The following MYO5B variants were observed in gnomAD, a reference collection of about 807,000 sequenced individuals.
MYO5B encodes unconventional myosin-Vb.
Under a neutral mutation model 229.3 loss-of-function variants are expected in MYO5B, and 143 were observed. That is an observed-to-expected ratio of 0.62 (90% confidence interval 0.54 to 0.72). MYO5B has a LOEUF of 0.72. MYO5B is among the 30% of genes least tolerant of loss of function. MYO5B has a pLI of 0.00. For synonymous variants in MYO5B, 918 were observed against 885.2 expected (o/e 1.04, Z -0.66); for missense variants, 2,321 against 2,331.0 (o/e 1.00, Z 0.09).
At position 49,980,523 on chromosome 18, in the gene MYO5B, A is replaced by G; in HGVS notation, c.977T>C (p.Phe326Ser). 6.2e-7 allele frequency: 1 copy of G among 1,613,768 alleles called. No individual in the cohort carries two copies. Among genetic ancestry groups the G allele is most frequent in the Non-Finnish European group, 8.5e-7 (1 of 1,179,640 alleles). Residue 326 changes from phenylalanine to serine, a missense_variant, in exon 9 of 40, where the codon TTT becomes TCT. Around this residue, in one of 2 missense-constraint regions of MYO5B, gnomAD observed 2,113 missense variants for 2,044.7 expected, o/e 1.03. Transcript: ENST00000285039. ...GTGCAAGATAGAAGCAATTATCTTAAAAATGCTCATCTGATGGGACTCTTT... is the reference window on the plus strand; with the variant it reads ...GTGCAAGATAGAAGCAATTATCTTAGAAATGCTCATCTGATGGGACTCTTT... ...GVKESHQMSI[F>S]KIIASILHLG...
At chr18:49,886,787 T>C (rs1397505552) in intron 22 of MYO5B, among the ~76,000 whole-genome samples, 1 of 152,036 alleles carries the variant, frequency 6.6e-6, no homozygotes, top group East Asian at 1.9e-4. Flanking sequence ...GTTTTATCCG[T>C]AGAGGCACCC....
chr18:49,939,491 G>A (rs1391233583), intron 14 of MYO5B, among the ~76,000 whole-genome samples: 1 of 152,182 alleles, frequency 6.6e-6, no homozygotes, highest in Non-Finnish European at 1.5e-5. Flanking sequence ...GCTTAAGAAA[G>A]TTGTATTTTT....
intron 1 of MYO5B, among the ~76,000 whole-genome samples, chr18:50,134,151 G>A (rs1322268082): frequency 6.6e-6 from 1 of 152,200 alleles, no homozygotes; most frequent in Non-Finnish European, 1.5e-5. Flanking sequence ...TTGCTTTTCA[G>A]CTCTTTGAAT....
At chr18:50,158,742 C>T (rs1400744877) in intron 1 of MYO5B, among the ~76,000 whole-genome samples, 3 of 152,186 alleles carry the variant, frequency 2.0e-5, no homozygotes, top group Non-Finnish European at 4.4e-5. Context: ...AGTTCCCTGG[C>T]TCCCAATCCA....
At chr18:49,844,616 T>C (rs1384348761) in intron 33 of MYO5B, among the ~76,000 whole-genome samples, 3 of 152,252 alleles carry the variant, frequency 2.0e-5, no homozygotes, top group Non-Finnish European at 4.4e-5. Flanking sequence ...TAGGCCATAA[T>C]ACTCTTGAGT....
chr18:50,186,856 C>T (rs996777525), intron 1 of MYO5B, among the ~76,000 whole-genome samples: 3 of 152,074 alleles, frequency 2.0e-5, no homozygotes, highest in South Asian at 2.1e-4. Context: ...TCCAGGGTGT[C>T]CACCTCAAGA....
At chr18:50,180,999 A>G (rs887179502) in intron 1 of MYO5B, among the ~76,000 whole-genome samples, 4 of 152,234 alleles carry the variant, frequency 2.6e-5, no homozygotes, top group African/African-American at 7.2e-5. Flanking sequence ...TCATTCACTT[A>G]CATTCAGCAC....
intron 1 of MYO5B, among the ~76,000 whole-genome samples, chr18:50,111,173 C>G (rs111703500): frequency 2.2e-4 from 34 of 152,304 alleles, no homozygotes; most frequent in African/African-American, 8.2e-4. Flanking sequence ...GAGGCTGTGT[C>G]AACTCAGTAA....
chr18:50,182,329 T>G (rs912347648), intron 1 of MYO5B, among the ~76,000 whole-genome samples: 1 of 152,214 alleles, frequency 6.6e-6, no homozygotes, highest in Admixed American at 6.5e-5. Context: ...CACCTCATCA[T>G]GCAAATACCC....
Position 49,877,830 on chromosome 18 carries a change from T to G in MYO5B, c.3329A>C (p.Asp1110Ala). ...NPSNQSSLES[D>A]SNYPSISTSE... ...TGTGGAGATGGAGGGGTAATTGGAG[T>G]CAGATTCTAAGCTACTTTGGTTTGA... is the stretch of plus-strand genomic sequence containing the variant. The change falls in exon 25 of 40, where the codon GAC becomes GCC. Residue 1110 changes from aspartate (D) to alanine (A), a missense_variant. Asp to Ala is a moderately radical substitution (Grantham distance 126). Around this residue, in one of 2 missense-constraint regions of MYO5B, gnomAD observed 2,113 missense variants for 2,044.7 expected, o/e 1.03. Transcript: ENST00000285039. 1.2e-6 allele frequency: 2 copies of G among 1,614,084 alleles called. No homozygotes were observed. Among genetic ancestry groups the G allele is most frequent in the Non-Finnish European group, 1.7e-6 (2 of 1,179,990 alleles).
intron 17 of MYO5B, among the ~76,000 whole-genome samples, chr18:49,928,568 C>T (rs750723430): frequency 6.6e-6 from 1 of 152,214 alleles, no homozygotes; most frequent in East Asian, 1.9e-4. Flanking sequence ...CTCTTGAACA[C>T]AGGAGGCAGA....
intron 12 of MYO5B, among the ~76,000 whole-genome samples, chr18:49,954,851 C>T (rs1028944391): frequency 6.6e-6 from 1 of 152,252 alleles, no homozygotes; most frequent in Non-Finnish European, 1.5e-5. Context: ...CCCAGGTGAA[C>T]TCCTGCCACA....
Position 50,092,964 on chromosome 18 carries a change from A to G in MYO5B, c.28-37586T>C, listed in dbSNP as rs559633053. 2.6e-5 allele frequency among the ~76,000 whole-genome samples: 4 copies of G among 152,328 alleles called. No homozygotes were observed. In the East Asian group the frequency reaches 7.7e-4, roughly 29 times the overall value. On this transcript the variant is annotated intron_variant, in intron 1 of 39. Transcript: ENST00000285039. Reference sequence around the variant, plus strand: ...TTCTCTTTTAAAAGACTCCGCAAACAAAAGCAAATGGCAGAAGAAACCTTA... The same window carrying G: ...TTCTCTTTTAAAAGACTCCGCAAACGAAAGCAAATGGCAGAAGAAACCTTA...
intron 5 of MYO5B, among the ~76,000 whole-genome samples, chr18:49,993,700 C>T (rs2144314820): frequency 6.6e-6 from 1 of 152,252 alleles, no homozygotes; most frequent in East Asian, 1.9e-4. Flanking sequence ...CCTTAGCCTG[C>T]AACATTGTCA....
intron 1 of MYO5B, among the ~76,000 whole-genome samples, chr18:50,105,514 T>C (rs2031741777): frequency 6.6e-6 from 1 of 152,176 alleles, no homozygotes; most frequent in South Asian, 2.1e-4. Flanking sequence ...CTCCTTAAGT[T>C]CCGTACTTCA....
chr18:50,118,741 C>G (rs969291641), intron 1 of MYO5B, among the ~76,000 whole-genome samples: 13 of 151,876 alleles, frequency 8.6e-5, no homozygotes, highest in African/African-American at 2.9e-4. Flanking sequence ...TCTCCTGCCT[C>G]AGCCTCCTGA....
At chr18:49,876,320 C>T in intron 25 of MYO5B, 1 of 260,424 alleles carries the variant, frequency 3.8e-6, no homozygotes, top group Non-Finnish European at 7.4e-6. Context: ...ACCTATTTAT[C>T]CAACAGATCT....
rs375102583 is a variant in MYO5B, at chr18:49,843,370, C to G, written c.4482G>C (p.Ser1494=). Residue 1494 remains serine (S), a synonymous_variant, in exon 34 of 40, where the codon TCG becomes TCC. Coordinates refer to ENST00000285039, the MANE Select transcript of MYO5B (RefSeq NM_001080467.3). The part of the protein sequence containing the change: ...LVTDLKPQML[S]GTVPCLPAYI... ...AGGCGGGGAGACAGGGCACTGTGCC[C>G]GACAGCATCTGGGGCTTCAAGTCTA... The G allele has an allele frequency of 1.2e-6, 2 of 1,614,102 alleles. No individual in the cohort carries two copies. The highest frequency in any genetic ancestry group is 2.7e-5 in the African/African-American group (2 of 75,006).
intron 10 of MYO5B, among the ~76,000 whole-genome samples, chr18:49,971,673 T>A (rs2025693808): frequency 6.6e-6 from 1 of 152,158 alleles, no homozygotes; most frequent in Non-Finnish European, 1.5e-5. Context: ...GACCATTGAG[T>A]AGCATGCACT....
Sources: gnomAD v4.1 joint callset for allele counts (sites outside exome capture counted in the v4.1 genomes callset) on GRCh38, gnomAD v4.1.1 for gene constraint, gnomAD v4.1.1 regional missense constraint, MANE v1.5 for transcripts, NCBI Gene and HGNC (gene_info 2026-07-23, HGNC 2026-07-21) for gene names.